The following OPCML variants were observed in gnomAD, a reference collection of about 807,000 sequenced individuals.
OPCML encodes opioid binding protein/cell adhesion molecule like, also known as opioid-binding protein/cell adhesion molecule.
OPCML carries 13 observed loss-of-function variants against 37.8 expected under a neutral mutation model. That is an observed-to-expected ratio of 0.34 (90% confidence interval 0.22 to 0.55). OPCML has a LOEUF of 0.55. OPCML is among the 20% of genes least tolerant of loss of function. The pLI is 0.91. For synonymous variants in OPCML, 176 were observed against 168.8 expected, an observed-to-expected ratio of 1.04 and a Z score of -0.33; for missense variants, 341 against 435.6, an observed-to-expected ratio of 0.78 and a Z score of 1.93.
intron 2 of OPCML, among the ~76,000 whole-genome samples, chr11:132,839,912 C>T (rs1049077508): frequency 3.3e-5 from 5 of 152,166 alleles, no homozygotes; most frequent in Admixed American, 2.6e-4. Flanking sequence ...AGAGTGTCTT[C>T]CGTCCCATTA....
intron 1 of OPCML, among the ~76,000 whole-genome samples, chr11:132,944,570 C>T (rs1409336728): frequency 6.6e-6 from 1 of 152,222 alleles, no homozygotes; most frequent in Non-Finnish European, 1.5e-5. Flanking sequence ...CTGTCCTACA[C>T]CTTATCGTGG....
intron 1 of OPCML, among the ~76,000 whole-genome samples, chr11:133,521,093 G>A (rs1033827902): frequency 2.6e-5 from 4 of 152,188 alleles, no homozygotes; most frequent in East Asian, 1.9e-4. Context: ...GACAAGGGTC[G>A]CCTTCCGAAG....
At chr11:132,769,069 G>C (rs1485915704) in intron 2 of OPCML, among the ~76,000 whole-genome samples, 1 of 151,264 alleles carries the variant, frequency 6.6e-6, no homozygotes, top group Non-Finnish European at 1.5e-5. Context: ...AGGTGAGGAG[G>C]CTGCGCTGCT....
intron 1 of OPCML, among the ~76,000 whole-genome samples, chr11:133,124,825 C>T (rs1949475411): frequency 6.6e-6 from 1 of 152,154 alleles, no homozygotes. Context: ...TTGTTCAAAA[C>T]CAGTGTAGGA....
chr11:133,066,282 A>G (rs1482851996), intron 1 of OPCML: 1 of 152,248 alleles, frequency 6.6e-6, no homozygotes, highest in Non-Finnish European at 1.5e-5. Context: ...CACTTCCCCA[A>G]TTGCAGAAAC....
chr11:133,223,300 G>A (rs1418698268), intron 1 of OPCML, among the ~76,000 whole-genome samples: 1 of 152,228 alleles, frequency 6.6e-6, no homozygotes, highest in African/African-American at 2.4e-5. Context: ...GGGTACTAAT[G>A]AGGAGCAAAG....
At chr11:133,204,878 A>ATATATATATATATGTG (rs1938977055) in intron 1 of OPCML, among the ~76,000 whole-genome samples, 1 of 25,954 alleles carries the variant, frequency 3.9e-5, no homozygotes, top group Non-Finnish European at 9.5e-5. Context: ...GTATATATAT[A>ATATATATATATATGTG]TATATATATA....
intron 2 of OPCML, among the ~76,000 whole-genome samples, chr11:132,797,129 T>TG (rs745897764): frequency 2.6e-5 from 4 of 152,208 alleles, no homozygotes; most frequent in Non-Finnish European, 4.4e-5. Flanking sequence ...CCAACTTACC[T>TG]TTTTCTTTTG....
At chr11:132,862,649 T>C (rs1201912351) in intron 2 of OPCML, among the ~76,000 whole-genome samples, 1 of 152,104 alleles carries the variant, frequency 6.6e-6, no homozygotes, top group Non-Finnish European at 1.5e-5. Context: ...AGAAAGATGG[T>C]GGGCTGGGGA....
chr11:132,822,345 C>T (rs1440593445), intron 2 of OPCML, among the ~76,000 whole-genome samples: 2 of 152,054 alleles, frequency 1.3e-5, no homozygotes, highest in African/African-American at 2.4e-5. Flanking sequence ...TTTCTTTCCA[C>T]CATTTGTAAA....
intron 2 of OPCML, among the ~76,000 whole-genome samples, chr11:132,696,704 C>T (rs1291747480): frequency 6.6e-6 from 1 of 152,072 alleles, no homozygotes; most frequent in East Asian, 1.9e-4. Context: ...CAGATAGGAA[C>T]TATTGTATCA....
intron 1 of OPCML, among the ~76,000 whole-genome samples, chr11:133,070,122 A>G (rs11825349): frequency 0.24 from 36,650 of 152,150 alleles, 5,028 homozygotes; most frequent in East Asian, 0.45. Flanking sequence ...CCGTTCCACC[A>G]TAAAGTGATT....
intron 4 of OPCML, among the ~76,000 whole-genome samples, chr11:132,472,899 G>A (rs1565591568): frequency 1.3e-5 from 2 of 152,154 alleles, no homozygotes; most frequent in Non-Finnish European, 2.9e-5. Context: ...AAAATGCCTC[G>A]TATGCTCTGA....
chr11:133,509,699 G>A (rs944916908), intron 1 of OPCML, among the ~76,000 whole-genome samples: 2 of 152,146 alleles, frequency 1.3e-5, no homozygotes, highest in Non-Finnish European at 2.9e-5. Flanking sequence ...CAAGCTGCCC[G>A]AGGTCATACG....
At chr11:133,521,149 A>C (rs564290358) in intron 1 of OPCML, among the ~76,000 whole-genome samples, 17 of 152,226 alleles carry the variant, frequency 1.1e-4, no homozygotes, top group Non-Finnish European at 1.8e-4. Context: ...GCACTTCGGA[A>C]GGGGTGTGTC....
At chr11:132,636,132 G>T (rs1379096360) in intron 3 of OPCML, among the ~76,000 whole-genome samples, 2 of 152,024 alleles carry the variant, frequency 1.3e-5, no homozygotes, top group African/African-American at 4.8e-5. Context: ...TTTTAGGGTC[G>T]ATGTAAGTGC....
intron 2 of OPCML, among the ~76,000 whole-genome samples, chr11:132,690,827 T>C (rs1421498307): frequency 1.3e-5 from 2 of 152,220 alleles, no homozygotes; most frequent in Non-Finnish European, 1.5e-5. Context: ...CCCAGCAGGA[T>C]TTCGGACTAT....
intron 2 of OPCML, among the ~76,000 whole-genome samples, chr11:132,921,347 A>G (rs1161330745): frequency 2.0e-5 from 3 of 149,980 alleles, no homozygotes; most frequent in Non-Finnish European, 4.4e-5. Context: ...CGTGTGTTAA[A>G]TCCAGTAGAA....
intron 2 of OPCML, among the ~76,000 whole-genome samples, chr11:132,780,981 A>AT (rs202004740): frequency 0.02 from 3,073 of 152,176 alleles, 44 homozygotes; most frequent in Middle Eastern, 0.037. Context: ...TATATTTTAT[A>AT]TTTTTTCATT....
Sources: allele counts gnomAD v4.1 joint callset (sites outside exome capture counted in the v4.1 genomes callset), GRCh38; gene constraint gnomAD v4.1.1; transcripts MANE v1.5; gene names NCBI Gene and HGNC (gene_info 2026-07-23, HGNC 2026-07-21).